Variants in ADGRV1 observed in about 807,000 individuals in gnomAD.
ADGRV1 encodes the protein G-protein coupled receptor 98.
A neutral mutation model predicts 596.2 loss-of-function variants in ADGRV1; 359 were observed. The ratio of observed to expected loss-of-function variants is 0.60; its 90% CI spans 0.55 to 0.66. ADGRV1 has a LOEUF of 0.66. Ranked by LOEUF, ADGRV1 falls within the 30% of genes least tolerant of loss-of-function variation. The pLI is 0.00. For missense variants in ADGRV1, 7,274 were observed against 7,575.6 expected (o/e 0.96, Z 1.48); for synonymous variants, 2,681 against 2,679.2 (o/e 1.00, Z -0.02).
intron 1 of ADGRV1, among the ~76,000 whole-genome samples, chr5:90,599,403 A>T (rs1761123022): frequency 6.6e-6 from 1 of 152,178 alleles, no homozygotes; most frequent in Non-Finnish European, 1.5e-5. Flanking sequence ...AAATGTTCTG[A>T]TAGCTGTTAT....
At chr5:90,569,372 TATATATATATA>T (rs1756114296) in intron 1 of ADGRV1, among the ~76,000 whole-genome samples, 1 of 26,456 alleles carries the variant, frequency 3.8e-5, no homozygotes, top group African/African-American at 1.8e-4. Context: ...TATATATATA[TATATATATATA>T]TATATTTTTT....
rs1352072115 is a variant in ADGRV1 at position 90,778,564 on chromosome 5, A to T, written c.12804A>T (p.Arg4268=). 1.9e-6 allele frequency: 3 copies of T among 1,608,862 alleles called. No homozygotes were observed. Among genetic ancestry groups the T allele is most frequent in the Non-Finnish European group, 2.5e-6 (3 of 1,177,196 alleles). ...TGGCCAGCGACTCTCCCTATGGCCG[A>T]TTTGCCTTTTCACATGAGCAACTTC... The part of the protein sequence containing the change: ...TVVASDSPYG[R]FAFSHEQLRV... The change falls in exon 63 of 90, where the codon CGA becomes CGT. Residue 4268 remains arginine (R), a synonymous_variant. Transcript: ENST00000405460.
chr5:91,045,847 A>G (rs561553698), intron 85 of ADGRV1, among the ~76,000 whole-genome samples: 52 of 152,310 alleles, frequency 3.4e-4, no homozygotes, highest in Admixed American at 1.3e-3. Flanking sequence ...AAATTAATGT[A>G]CACAAATCAG....
chr5:91,091,607 A>G (rs756274840), intron 86 of ADGRV1: 1 of 152,208 alleles, frequency 6.6e-6, no homozygotes, highest in African/African-American at 2.4e-5. Flanking sequence ...AGGATTCTCC[A>G]TAGAAACAGA....
intron 15 of ADGRV1, among the ~76,000 whole-genome samples, 161 bp from the exon 16 acceptor site, chr5:90,645,807 A>G (rs1433328158): frequency 1.3e-5 from 2 of 152,110 alleles, no homozygotes; most frequent in Non-Finnish European, 2.9e-5. Flanking sequence ...GGGGGGTCTG[A>G]GTCTTACCTG....
chr5:91,048,236 C>G lies in ADGRV1; in HGVS notation c.18153-24211C>G, dbSNP rs568938551. Among the ~76,000 whole-genome samples the G allele has an allele frequency of 2.0e-4, 30 of 152,356 alleles. No individual in the cohort carries two copies. In the Middle Eastern group the frequency reaches 0.01, roughly 52 times the overall value. On this transcript the variant is annotated intron_variant, in intron 85 of 89. Transcript: ENST00000405460. ...CAGTTGCTTATGATTTGCACAATCT[C>G]TAGCAACTCAGTACCTTCTGCCTGT...
intron 86 of ADGRV1, among the ~76,000 whole-genome samples, chr5:91,074,223 T>C (rs754360026): frequency 2.8e-4 from 42 of 152,208 alleles, no homozygotes; most frequent in African/African-American, 8.2e-4. Flanking sequence ...ATTATGTAGA[T>C]AAATTGCATG....
At chr5:90,937,752 C>T (rs967572911) in intron 83 of ADGRV1, among the ~76,000 whole-genome samples, 9 of 152,124 alleles carry the variant, frequency 5.9e-5, no homozygotes, top group African/African-American at 1.9e-4. Context: ...CCACAGCGCC[C>T]GGCCAGTGAT....
chr5:90,988,580 A>G (rs1581720520), intron 85 of ADGRV1, among the ~76,000 whole-genome samples: 1 of 151,992 alleles, frequency 6.6e-6, no homozygotes, highest in Admixed American at 6.6e-5. Flanking sequence ...TCTGAGCTCC[A>G]TACCCATATT....
chr5:90,955,581 A>G (rs563822286), intron 83 of ADGRV1, among the ~76,000 whole-genome samples: 144 of 152,332 alleles, frequency 9.5e-4, no homozygotes, highest in Non-Finnish European at 1.4e-3. Flanking sequence ...TAAAGGAATG[A>G]AAAGATCTGA....
intron 83 of ADGRV1, among the ~76,000 whole-genome samples, chr5:90,897,451 G>A (rs1581449174): frequency 1.3e-5 from 2 of 152,086 alleles, no homozygotes; most frequent in Non-Finnish European, 1.5e-5. Context: ...ATATATGTGT[G>A]TAATACACAT....
rs1160121 is a variant in ADGRV1, at chr5:90,706,171, G to T, written c.8567-60G>T. On this transcript the variant is annotated intron_variant, in intron 37 of 89. Transcript: ENST00000405460. Reference sequence around the variant, plus strand: ...TTTAGGAAAGGCAAAAAATTCACAAGGGGATATTATTGTAAACATTTAGAT... The same window carrying T: ...TTTAGGAAAGGCAAAAAATTCACAATGGGATATTATTGTAAACATTTAGAT... The T allele has an allele frequency of 0.59, 862,754 of 1,467,102 alleles. 257,530 individuals are homozygous for T. Among genetic ancestry groups the T allele is most frequent in the East Asian group, 0.81 (34,405 of 42,580 alleles). The allele number at this position is 1,467,102 out of a possible 1,614,324, so 90.9% of individuals were successfully genotyped here. A position where few individuals can be genotyped will look rare whatever the true frequency, so the allele number is the denominator to read the frequency against.
intron 1 of ADGRV1, among the ~76,000 whole-genome samples, chr5:90,605,931 G>GC (rs1762061529): frequency 6.6e-6 from 1 of 150,522 alleles, no homozygotes. Context: ...AAAGGATGAT[G>GC]AAAAAAAAAG....
At chr5:90,750,065 A>G (rs148209000) in intron 52 of ADGRV1, among the ~76,000 whole-genome samples, 2 of 150,198 alleles carry the variant, frequency 1.3e-5, no homozygotes, top group East Asian at 3.9e-4. Flanking sequence ...ATCGTTGTGC[A>G]TGGATGGGAT....
intron 86 of ADGRV1, among the ~76,000 whole-genome samples, chr5:91,093,464 A>G (rs1025172944): frequency 6.6e-6 from 1 of 152,270 alleles, no homozygotes; most frequent in East Asian, 1.9e-4. Flanking sequence ...GCAGGGTCAT[A>G]TCGACAAGTC....
chr5:90,888,676 A>G (rs752006640), intron 83 of ADGRV1, among the ~76,000 whole-genome samples: 4 of 152,078 alleles, frequency 2.6e-5, no homozygotes, highest in Admixed American at 6.6e-5. Context: ...ACTTTATATT[A>G]GTTGCCTTTG....
Position 90,724,773 on chromosome 5 carries a change from A to G in ADGRV1, c.9749-59A>G. 5 of 1,439,484 alleles carry G rather than the reference A, an allele frequency of 3.5e-6. No homozygotes were observed. The Admixed American group carries it at 8.6e-5, about 25-fold the overall frequency. 89.2% of individuals were successfully genotyped at this position (1,439,484 alleles called of 1,614,324 possible). Reference sequence around the variant, plus strand: ...TGTCTCATTGTTTAAACAATAAATTAGAATAGATAAGTTTTTGAAGGAGTA... The same window carrying G: ...TGTCTCATTGTTTAAACAATAAATTGGAATAGATAAGTTTTTGAAGGAGTA... On this transcript the variant is annotated intron_variant, in intron 45 of 89. Transcript: ENST00000405460.
chr5:90,825,408 A>G (rs531274325), intron 76 of ADGRV1, among the ~76,000 whole-genome samples: 17 of 152,258 alleles, frequency 1.1e-4, no homozygotes, highest in Non-Finnish European at 1.8e-4. Context: ...TGCATAGTTT[A>G]TATAGACTAT....
chr5:90,706,693 C>T (rs971345063), intron 38 of ADGRV1, among the ~76,000 whole-genome samples: 1 of 148,920 alleles, frequency 6.7e-6, no homozygotes, highest in African/African-American at 2.5e-5. Flanking sequence ...CATCAAGTTT[C>T]ATGAAAACTA....
Sources: gnomAD v4.1 joint callset for allele counts (sites outside exome capture counted in the v4.1 genomes callset) on GRCh38, gnomAD v4.1.1 for gene constraint, MANE v1.5 for transcripts, NCBI Gene and HGNC (gene_info 2026-07-23, HGNC 2026-07-21) for gene names.